Variants in RAI1 observed in about 807,000 individuals in gnomAD.
RAI1 encodes the protein retinoic acid induced 1, also known as retinoic acid-induced protein 1.
A neutral mutation model predicts 123.8 loss-of-function variants in RAI1; 9 were observed. That is an observed-to-expected ratio of 0.07 (90% CI 0.04 to 0.13). The LOEUF is 0.13. Among genes scored for constraint, RAI1 ranks in the 10% least tolerant of loss-of-function variants. The pLI is 1.00. For missense variants in RAI1, 2,256 were observed against 2,545.8 expected, an observed-to-expected ratio of 0.89 and a Z score of 2.45; for synonymous variants, 1,231 against 1,127.3, an observed-to-expected ratio of 1.09 and a Z score of -1.84.
chr17:17,808,386 A>ATTTTATT (rs1366016132), intron 4 of RAI1, among the ~76,000 whole-genome samples: 4 of 130,120 alleles, frequency 3.1e-5, no homozygotes, highest in African/African-American at 1.0e-4. Flanking sequence ...ATTTTATTTT[A>ATTTTATT]TTATTTTATT....
intron 2 of RAI1, among the ~76,000 whole-genome samples, chr17:17,764,195 G>A (rs2030821499): frequency 6.6e-6 from 1 of 152,206 alleles, no homozygotes; most frequent in Admixed American, 6.5e-5. Flanking sequence ...AGCCTTGGGA[G>A]GGATTGAGTA....
rs1231173318 is a variant in RAI1, at chr17:17,684,571, T to C, written c.-149+2778T>C. 4.6e-5 allele frequency: 7 copies of C among 151,522 alleles called. No individual in the cohort carries two copies. The East Asian group carries it at 1.4e-3, about 29-fold the overall frequency. 9.4% of individuals were successfully genotyped at this position (151,522 alleles called of 1,614,324 possible). A position where few individuals can be genotyped will look rare whatever the true frequency, so the allele number is the denominator to read the frequency against. On this transcript the variant is annotated intron_variant, in intron 1 of 5. Coordinates refer to ENST00000353383, the MANE Select transcript of RAI1 (RefSeq NM_030665.4). The stretch of plus-strand genomic sequence containing the variant: ...GAAAAATGCAAATAAGCCAGAAATA[T>C]ATGTAGTAAAAGTAAAAGTTCCCTT...
rs754400940 is a variant in RAI1 at position 17,793,616 on chromosome 17, C to G, written c.668C>G (p.Ser223Cys). The part of the protein sequence containing the change: ...SQSFPTSSTY[S>C]SSVQGGGQGA... ...TCCTTCCCCACCTCCTCCACCTACTCCTCCTCTGTCCAGGGTGGTGGGCAG... is the reference window on the plus strand; with the variant it reads ...TCCTTCCCCACCTCCTCCACCTACTGCTCCTCTGTCCAGGGTGGTGGGCAG... The change falls in exon 3 of 6, where the codon TCC (serine) becomes TGC (cysteine). Residue 223 changes from serine to cysteine, a missense_variant. Ser to Cys is a moderately radical substitution (Grantham distance 112, BLOSUM62 -1). Transcript: ENST00000353383. 1 of 1,613,492 alleles carries G rather than the reference C, an allele frequency of 6.2e-7. No homozygotes were observed. Among genetic ancestry groups the G allele is most frequent in the Admixed American group, 1.7e-5 (1 of 60,024 alleles).
chr17:17,730,617 A>G (rs1305610341), intron 2 of RAI1, among the ~76,000 whole-genome samples: 1 of 152,238 alleles, frequency 6.6e-6, no homozygotes, highest in Non-Finnish European at 1.5e-5. Flanking sequence ...TCCTGGCTTC[A>G]ATGCTGCTGC....
intron 2 of RAI1, among the ~76,000 whole-genome samples, chr17:17,783,317 T>A (rs1251172774): frequency 6.6e-6 from 1 of 151,486 alleles, no homozygotes; most frequent in East Asian, 2.0e-4. Context: ...GAGGTTGCCG[T>A]GACCTTGCTG....
intron 1 of RAI1, chr17:17,683,864 C>A (rs1020522579): frequency 8.5e-5 from 13 of 152,182 alleles, no homozygotes; most frequent in African/African-American, 2.9e-4. Context: ...GGCAGGGACC[C>A]TGTCTTACTC....
At chr17:17,752,555 G>A (rs995506370) in intron 2 of RAI1, among the ~76,000 whole-genome samples, 8 of 152,150 alleles carry the variant, frequency 5.3e-5, no homozygotes, top group Admixed American at 5.2e-4. Context: ...CTCCAGACCC[G>A]GGCTTCCTGT....
chr17:17,689,204 C>T (rs1486889137), intron 1 of RAI1, among the ~76,000 whole-genome samples: 10 of 151,202 alleles, frequency 6.6e-5, no homozygotes, highest in South Asian at 4.2e-4. Flanking sequence ...GTGATCCACC[C>T]GCCTCAGCCT....
intron 2 of RAI1, among the ~76,000 whole-genome samples, chr17:17,783,200 G>A (rs1195349508): frequency 6.6e-6 from 1 of 152,076 alleles, no homozygotes; most frequent in Non-Finnish European, 1.5e-5. Context: ...GGGACCGGGG[G>A]ACCGGGGCAC....
At chr17:17,806,572 T>C (rs2032597701) in intron 4 of RAI1, among the ~76,000 whole-genome samples, 1 of 152,210 alleles carries the variant, frequency 6.6e-6, no homozygotes, top group Admixed American at 6.5e-5. Context: ...CAGGCCCAGC[T>C]TCATGTCTCC....
At position 17,794,555 on chromosome 17, in the gene RAI1, G is replaced by A. The variant is rs750604586; in HGVS notation, c.1607G>A (p.Arg536His). 26 of 1,613,038 alleles carry A rather than the reference G, an allele frequency of 1.6e-5. 1 individual carries two copies. Among genetic ancestry groups the A allele is most frequent in the South Asian group, 3.3e-5 (3 of 91,092 alleles). ...ERSFLYCNQARGSPARVNSNS... is the reference protein window; with the variant it reads ...ERSFLYCNQAHGSPARVNSNS... ...AGCTTCCTCTACTGCAACCAGGCCC[G>A]TGGCAGCCCTGCCAGGGTCAACAGC... is the stretch of plus-strand genomic sequence containing the variant. The change falls in exon 3 of 6, where the codon CGT becomes CAT. Residue 536 changes from arginine to histidine, a missense_variant. Arg to His is a conservative substitution (Grantham distance 29). Around this residue, in one of 7 missense-constraint regions of RAI1, gnomAD observed 357 missense variants for 480.2 expected, o/e 0.74. Transcript: ENST00000353383.
At chr17:17,771,301 A>AGG (rs1448078480) in intron 2 of RAI1, among the ~76,000 whole-genome samples, 1 of 152,230 alleles carries the variant, frequency 6.6e-6, no homozygotes, top group Non-Finnish European at 1.5e-5. Context: ...TCGTTCACTC[A>AGG]TTCATTCAGC....
chr17:17,681,937 T>C (rs907554987), intron 1 of RAI1, 144 bp downstream of exon 1: 79 of 222,240 alleles, frequency 3.6e-4, no homozygotes, highest in African/African-American at 1.8e-3. Flanking sequence ...AGATGTGGGG[T>C]CCGCGGGGTC....
chr17:17,710,118 A>C (rs2142903487), intron 1 of RAI1, among the ~76,000 whole-genome samples: 1 of 152,304 alleles, frequency 6.6e-6, no homozygotes, highest in African/African-American at 2.4e-5. Flanking sequence ...GAGCACACAC[A>C]GACACGCACC....
In RAI1 at chr17:17,809,314, C is replaced by T. The variant is rs2143006506; in HGVS notation, c.5660-76C>T. 2.2e-6 allele frequency: 3 copies of T among 1,346,674 alleles called. No individual in the cohort carries two copies. Among genetic ancestry groups the T allele is most frequent in the Non-Finnish European group, 3.2e-6 (3 of 937,178 alleles). The allele number at this position is 1,346,674 out of a possible 1,614,324, so 83.4% of individuals were successfully genotyped here. A position where few individuals can be genotyped will look rare whatever the true frequency, so the allele number is the denominator to read the frequency against. The stretch of plus-strand genomic sequence containing the variant: ...GCCTCGCGGGCAGTGCGGCTCCCCT[C>T]CTGGCTGCAGACAAAACCCCACAGC... On this transcript the variant is annotated intron_variant, in intron 4 of 5. Transcript: ENST00000353383. The surrounding 1 kb of genome is among the most constrained non-coding windows in gnomAD (Gnocchi z 4.9).
intron 1 of RAI1, among the ~76,000 whole-genome samples, chr17:17,712,980 G>A (rs549487208): frequency 2.6e-5 from 4 of 151,964 alleles, no homozygotes; most frequent in Non-Finnish European, 5.9e-5. Context: ...ATTGCCAGGG[G>A]CTGGGGGTGG....
At chr17:17,771,565 A>T (rs1217671920) in intron 2 of RAI1, among the ~76,000 whole-genome samples, 1 of 152,218 alleles carries the variant, frequency 6.6e-6, no homozygotes, top group Non-Finnish European at 1.5e-5. Context: ...GGAGACAGGA[A>T]TAGAGATGGA....
At chr17:17,682,992 G>T (rs1208239655) in intron 1 of RAI1, among the ~76,000 whole-genome samples, 1 of 151,896 alleles carries the variant, frequency 6.6e-6, no homozygotes, top group Non-Finnish European at 1.5e-5. Context: ...CTCCCGCGCC[G>T]CCTTCCCCGC....
chr17:17,738,614 C>T (rs961898649), intron 2 of RAI1, among the ~76,000 whole-genome samples: 2 of 152,192 alleles, frequency 1.3e-5, no homozygotes, highest in Admixed American at 6.5e-5. Context: ...TCCACCCCTC[C>T]GTGAGCTTCT....
Sources: gnomAD v4.1 joint callset for allele counts (sites outside exome capture counted in the v4.1 genomes callset) on GRCh38, gnomAD v4.1.1 for gene constraint, gnomAD v4.1.1 regional missense constraint, Gnocchi (gnomAD v3.1) non-coding constraint, MANE v1.5 for transcripts, NCBI Gene and HGNC (gene_info 2026-07-23, HGNC 2026-07-21) for gene names.